The following ATP9A variants were observed in gnomAD, a reference collection of about 807,000 sequenced individuals.
ATP9A encodes the protein probable phospholipid-transporting ATPase IIA.
Under a neutral mutation model 144.1 loss-of-function variants are expected in ATP9A, and 52 were observed. The observed-to-expected ratio is 0.36, with a 90% CI of 0.29 to 0.45. ATP9A has a LOEUF of 0.45. Ranked by LOEUF, ATP9A falls within the 20% of genes least tolerant of loss-of-function variation. The probability of loss-of-function intolerance (pLI) is 1.00; values close to 1 mark genes in which losing one functional copy is unlikely to be tolerated. For missense variants in ATP9A, 947 were observed against 1,392.7 expected (o/e 0.68, Z 5.09); for synonymous variants, 582 against 557.4 (o/e 1.04, Z -0.62).
At chr20:51,672,872 A>AAC (rs11473282) in intron 11 of ATP9A, among the ~76,000 whole-genome samples, 37,131 of 151,982 alleles carry the variant, frequency 0.24, 4,893 homozygotes, top group Non-Finnish European at 0.28. Context: ...AGTTATTCAA[A>AAC]ACACTGCTCC....
At chr20:51,692,961 G>A (rs900954337) in intron 7 of ATP9A, among the ~76,000 whole-genome samples, 2 of 152,096 alleles carry the variant, frequency 1.3e-5, no homozygotes, top group Non-Finnish European at 2.9e-5. Flanking sequence ...CTCCCTCAGG[G>A]GACACAGTAA....
chr20:51,729,860 A>G lies in ATP9A; in HGVS notation c.187T>C (p.Tyr63His). 6.3e-7 allele frequency: 1 copy of G among 1,593,528 alleles called. No homozygotes were observed. The stretch of plus-strand genomic sequence containing the variant: ...CCAGGAAGAAAGGTGAAGAAATTGT[A>G]CTTCTGATTGTTGATGACATTCCGA... ...YPRNVINNQKYNFFTFLPGVL... is the reference protein window; with the variant it reads ...YPRNVINNQKHNFFTFLPGVL... The change falls in exon 2 of 28, where the codon TAC (tyrosine) becomes CAC (histidine). Residue 63 changes from tyrosine (Y) to histidine (H), a missense_variant. Tyr to His is a moderately conservative substitution (Grantham distance 83). This residue lies in a region of ATP9A where 770 missense variants were observed against 1,047.9 expected (regional missense o/e 0.73). Transcript: ENST00000338821.
At position 51,599,431 on chromosome 20, in the gene ATP9A, T is replaced by C. The variant is rs1207040163; in HGVS notation, c.*1780A>G. On this transcript the variant is annotated 3_prime_UTR_variant, in exon 28 of 28. Transcript: ENST00000338821. Reference sequence around the variant, plus strand: ...GATTTGCTCAATCTTTCTGAAATTTTTGGACAAAGATCCTATCCTTAACTA... The same window carrying C: ...GATTTGCTCAATCTTTCTGAAATTTCTGGACAAAGATCCTATCCTTAACTA... 6.6e-6 allele frequency: 1 copy of C among 152,232 alleles called. No homozygotes were observed. Among genetic ancestry groups the C allele is most frequent in the African/African-American group, 2.4e-5 (1 of 41,454 alleles). 9.4% of individuals were successfully genotyped at this position (152,232 alleles called of 1,614,324 possible).
intron 19 of ATP9A, among the ~76,000 whole-genome samples, chr20:51,621,119 CCT>C (rs1263058251): frequency 6.8e-6 from 1 of 147,482 alleles, no homozygotes; most frequent in Admixed American, 6.9e-5. Context: ...TGCACCCCAG[CCT>C]GGGTGATAAG....
Position 51,761,738 on chromosome 20 carries a change from C to T in ATP9A, c.68+6564G>A, listed in dbSNP as rs963422755. Among the ~76,000 whole-genome samples the T allele has an allele frequency of 4.7e-5, 7 of 149,898 alleles. No individual in the cohort carries two copies. In the South Asian group the frequency reaches 6.3e-4, roughly 14 times the overall value. On this transcript the variant is annotated intron_variant, in intron 1 of 27. Transcript: ENST00000338821. ...TTGCGCCACTGCACTCCAGCCTGGG[C>T]GACAGAGCGAGACTCCGCCTCAAAA... is the stretch of plus-strand genomic sequence containing the variant.
At chr20:51,614,159 G>T (rs1320967884) in intron 22 of ATP9A, among the ~76,000 whole-genome samples, 3 of 152,148 alleles carry the variant, frequency 2.0e-5, no homozygotes, top group Admixed American at 2.0e-4. Flanking sequence ...TCCCTTAAGA[G>T]CTAATTAAAC....
intron 14 of ATP9A, among the ~76,000 whole-genome samples, chr20:51,647,657 G>T (rs949880037): frequency 2.6e-5 from 4 of 152,148 alleles, no homozygotes; most frequent in Non-Finnish European, 5.9e-5. Flanking sequence ...TGGAACCCAG[G>T]AGGCGGAGGT....
chr20:51,730,884 T>G (rs2077737966), intron 1 of ATP9A, among the ~76,000 whole-genome samples: 1 of 152,188 alleles, frequency 6.6e-6, no homozygotes, highest in Admixed American at 6.5e-5. Context: ...AAAAGTAAGA[T>G]TCGGCCAGCC....
At position 51,672,817 on chromosome 20, in the gene ATP9A, A is replaced by C. The variant is rs2077461686; in HGVS notation, c.1037+1336T>G. Among the ~76,000 whole-genome samples, 3 of 152,304 alleles carry C rather than the reference A, an allele frequency of 2.0e-5. No individual in the cohort carries two copies. In the South Asian group the frequency reaches 6.2e-4, roughly 32 times the overall value. On this transcript the variant is annotated intron_variant, in intron 11 of 27. Coordinates refer to ENST00000338821, the MANE Select transcript of ATP9A (RefSeq NM_006045.3). ...AGTAGACTGCTAACCCACATCACAG[A>C]GCAGCTCTAAAAAATGATGGGACAC... is the stretch of plus-strand genomic sequence containing the variant.
intron 23 of ATP9A, among the ~76,000 whole-genome samples, chr20:51,612,555 G>T (rs942587916): frequency 6.6e-6 from 1 of 152,118 alleles, no homozygotes; most frequent in Admixed American, 6.5e-5. Flanking sequence ...CTCCCAAGTA[G>T]CTGGGATTAT....
intron 3 of ATP9A, among the ~76,000 whole-genome samples, chr20:51,721,193 C>T (rs2077687476): frequency 6.6e-6 from 1 of 152,230 alleles, no homozygotes; most frequent in Admixed American, 6.5e-5. Context: ...ATCTGGCTTC[C>T]TCCACTCCAC....
chr20:51,633,237 A>G (rs917678335), intron 15 of ATP9A, among the ~76,000 whole-genome samples: 2 of 152,138 alleles, frequency 1.3e-5, no homozygotes, highest in African/African-American at 4.8e-5. Flanking sequence ...AACGCTGCAC[A>G]TGCGTTAAAA....
intron 14 of ATP9A, among the ~76,000 whole-genome samples, chr20:51,647,393 A>T (rs1397938293): frequency 6.6e-6 from 1 of 151,950 alleles, no homozygotes; most frequent in Non-Finnish European, 1.5e-5. Context: ...TACTAAAAAT[A>T]CAAAAAAATT....
At chr20:51,766,088 G>A (rs1016801642) in intron 1 of ATP9A, among the ~76,000 whole-genome samples, 2 of 152,082 alleles carry the variant, frequency 1.3e-5, no homozygotes, top group Non-Finnish European at 2.9e-5. Flanking sequence ...CCATATGAAC[G>A]GCTCATGTTT....
chr20:51,733,766 TG>T (rs2077752134), intron 1 of ATP9A, among the ~76,000 whole-genome samples: 1 of 151,932 alleles, frequency 6.6e-6, no homozygotes, highest in Non-Finnish European at 1.5e-5. Flanking sequence ...CTCAAACTCC[TG>T]GGCTGAAGCA....
intron 4 of ATP9A, among the ~76,000 whole-genome samples, chr20:51,709,266 A>G (rs73616825): frequency 2.0e-5 from 3 of 152,012 alleles, no homozygotes. Context: ...TGTAATCCCA[A>G]CACTTTGGGA....
intron 15 of ATP9A, among the ~76,000 whole-genome samples, chr20:51,629,861 C>T (rs1460752222): frequency 6.6e-6 from 1 of 152,194 alleles, no homozygotes; most frequent in Non-Finnish European, 1.5e-5. Flanking sequence ...ATCTGTAAAA[C>T]AGGAATCAAG....
intron 14 of ATP9A, among the ~76,000 whole-genome samples, chr20:51,647,177 C>T (rs984287220): frequency 3.3e-5 from 5 of 152,024 alleles, no homozygotes; most frequent in African/African-American, 7.2e-5. Context: ...AATTGAACTT[C>T]CTATCACTTG....
At chr20:51,673,861 C>A (rs6091345) in intron 11 of ATP9A, among the ~76,000 whole-genome samples, 37,127 of 151,816 alleles carry the variant, frequency 0.24, 4,913 homozygotes, top group Non-Finnish European at 0.28. Flanking sequence ...ACAAGCCTGG[C>A]AAACATGGTG....
Sources: allele counts gnomAD v4.1 joint callset (sites outside exome capture counted in the v4.1 genomes callset), GRCh38; gene constraint gnomAD v4.1.1; regional missense constraint gnomAD v4.1.1; transcripts MANE v1.5; gene names NCBI Gene and HGNC (gene_info 2026-07-23, HGNC 2026-07-21).